The following MAP1B variants were observed in gnomAD, a reference collection of about 807,000 sequenced individuals.
The protein encoded by MAP1B is microtubule associated protein 1B.
Under a neutral mutation model 176.1 loss-of-function variants are expected in MAP1B, and 12 were observed. The ratio of observed to expected loss-of-function variants is 0.07; its 90% CI spans 0.04 to 0.11. The LOEUF is 0.11. Among genes scored for constraint, MAP1B ranks in the 10% least tolerant of loss-of-function variants. The pLI is 1.00. For synonymous variants in MAP1B, 1,044 were observed against 1,135.0 expected (o/e 0.92, Z 1.61); for missense variants, 2,523 against 2,990.5 (o/e 0.84, Z 3.65).
chr5:72,125,245 G>C (rs1745606574), intron 2 of MAP1B, among the ~76,000 whole-genome samples: 1 of 152,112 alleles, frequency 6.6e-6, no homozygotes, highest in East Asian at 1.9e-4. Context: ...AGTGGTATTT[G>C]GTGTGAAGTT....
rs149848837 is a variant in MAP1B at position 72,194,850 on chromosome 5, C to T, written c.1495C>T (p.Leu499=). Residue 499 remains leucine, a synonymous_variant, in exon 5 of 7, where the codon CTG becomes TTG. Coordinates refer to ENST00000296755, the MANE Select transcript of MAP1B (RefSeq NM_005909.5). This position sits in a 1 kb window ranked among gnomAD's most constrained non-coding sequence, Gnocchi z 7.2. The part of the protein sequence containing the change: ...FPGNSTQYNI[L]EGLEKLKHLD... Reference sequence around the variant, plus strand: ...TGGGAACAGCACCCAGTACAACATCCTGGAAGGGTTGGAAAAGCTCAAACA... The same window carrying T: ...TGGGAACAGCACCCAGTACAACATCTTGGAAGGGTTGGAAAAGCTCAAACA... 5.0e-5 allele frequency: 80 copies of T among 1,614,200 alleles called. No homozygotes were observed. The African/African-American group carries it at 9.3e-4, about 19-fold the overall frequency.
chr5:72,144,141 G>A (rs1746002789), intron 2 of MAP1B, among the ~76,000 whole-genome samples: 1 of 152,116 alleles, frequency 6.6e-6, no homozygotes, highest in Non-Finnish European at 1.5e-5. Flanking sequence ...GTGGACATTT[G>A]TGGGGAATAC....
At chr5:72,135,306 A>G (rs988712060) in intron 2 of MAP1B, among the ~76,000 whole-genome samples, 1 of 152,142 alleles carries the variant, frequency 6.6e-6, no homozygotes, top group African/African-American at 2.4e-5. Context: ...GTACCTATCA[A>G]CCATTGTTTT....
At chr5:72,162,462 A>G (rs1245144827) in intron 2 of MAP1B, among the ~76,000 whole-genome samples, 1 of 152,018 alleles carries the variant, frequency 6.6e-6, no homozygotes, top group Non-Finnish European at 1.5e-5. Context: ...AAATGGTTTT[A>G]AGAAAACGAA....
rs565507192 is a variant in MAP1B at position 72,207,131 on chromosome 5, T to G, written c.*1892T>G. The G allele has an allele frequency of 4.6e-5, 7 of 152,348 alleles. No individual in the cohort carries two copies. In the South Asian group the frequency reaches 1.5e-3, roughly 32 times the overall value. The allele number at this position is 152,348 out of a possible 1,614,324, so 9.4% of individuals were successfully genotyped here. On this transcript the variant is annotated 3_prime_UTR_variant, in exon 7 of 7. Transcript: ENST00000296755. ...TTCCATCATTGTCATCATTGAACTG[T>G]GAACCTGGGAAGCCAGATCATGATT...
At chr5:72,129,967 G>T (rs1579987186) in intron 2 of MAP1B, among the ~76,000 whole-genome samples, 1 of 152,062 alleles carries the variant, frequency 6.6e-6, no homozygotes, top group East Asian at 1.9e-4. Flanking sequence ...AAATAGTTTG[G>T]CAAATTAACT....
intron 2 of MAP1B, among the ~76,000 whole-genome samples, chr5:72,162,180 G>A (rs1391571163): frequency 6.6e-6 from 1 of 152,160 alleles, no homozygotes; most frequent in East Asian, 1.9e-4. Context: ...GAAGGATTAA[G>A]TCATGCCACT....
At position 72,197,106 on chromosome 5, in the gene MAP1B, G is replaced by T. The variant is rs150467659; in HGVS notation, c.3751G>T (p.Val1251Phe). 1.5e-4 allele frequency: 237 copies of T among 1,614,196 alleles called. 4 individuals are homozygous for T. The South Asian group carries it at 1.6e-3, about 11-fold the overall frequency. Residue 1251 changes from valine (V) to phenylalanine (F), a missense_variant, in exon 5 of 7, where the codon GTC becomes TTC. Val to Phe is a conservative substitution (Grantham distance 50, BLOSUM62 -1). Coordinates refer to ENST00000296755, the MANE Select transcript of MAP1B (RefSeq NM_005909.5). ...DSISAVSSEK[V>F]SPSKSPSLSP... ...CATCTCAGCTGTTTCAAGTGAAAAGGTCAGCCCATCGAAGAGCCCGTCCCT... is the reference window on the plus strand; with the variant it reads ...CATCTCAGCTGTTTCAAGTGAAAAGTTCAGCCCATCGAAGAGCCCGTCCCT...
intron 2 of MAP1B, among the ~76,000 whole-genome samples, chr5:72,145,632 C>T (rs1175513827): frequency 6.6e-6 from 1 of 152,158 alleles, no homozygotes; most frequent in East Asian, 1.9e-4. Flanking sequence ...CCTAATTTCA[C>T]CTGACAATAT....
intron 2 of MAP1B, among the ~76,000 whole-genome samples, chr5:72,163,930 CTT>C (rs869167918): frequency 0.047 from 2,058 of 43,652 alleles, 46 homozygotes; most frequent in African/African-American, 0.11. Context: ...TTTTTTTTTT[CTT>C]TTTTTTTTTT....
At position 72,198,758 on chromosome 5, in the gene MAP1B, A is replaced by G. The variant is rs1308944389; in HGVS notation, c.5403A>G (p.Ser1801=). 1.2e-6 allele frequency: 2 copies of G among 1,614,054 alleles called. No individual in the cohort carries two copies. The highest frequency in any genetic ancestry group is 1.7e-6 in the Non-Finnish European group (2 of 1,180,042). ...ESSPLYSPTF[S]DSTSAVKEKT... ...CTCCTTTATATTCACCTACTTTTTC[A>G]GATTCTACCTCTGCAGTCAAAGAGA... Residue 1801 remains serine (S), a synonymous_variant, in exon 5 of 7, where the codon TCA becomes TCG. Coordinates refer to ENST00000296755, the MANE Select transcript of MAP1B (RefSeq NM_005909.5).
chr5:72,202,501 T>TA (rs1395073683), intron 5 of MAP1B, among the ~76,000 whole-genome samples: 1 of 152,236 alleles, frequency 6.6e-6, no homozygotes, highest in African/African-American at 2.4e-5. Flanking sequence ...TCTGGGATGA[T>TA]AGTCTTTAAA....
At chr5:72,139,853 G>T (rs1335933430) in intron 2 of MAP1B, among the ~76,000 whole-genome samples, 2 of 152,180 alleles carry the variant, frequency 1.3e-5, no homozygotes, top group African/African-American at 4.8e-5. Flanking sequence ...AGAGGCAGCA[G>T]ATCTTTATCC....
At chr5:72,193,341 CCT>C in intron 4 of MAP1B, 2 of 280,632 alleles carry the variant, frequency 7.1e-6, no homozygotes, top group South Asian at 2.4e-5. Flanking sequence ...ATCCATCAGG[CCT>C]TTTTTTTTTT....
intron 1 of MAP1B, among the ~76,000 whole-genome samples, chr5:72,113,486 A>G (rs1020336184): frequency 6.6e-6 from 1 of 152,230 alleles, no homozygotes; most frequent in Non-Finnish European, 1.5e-5. Context: ...ATATGTATGA[A>G]AATATAAAGC....
intron 1 of MAP1B, among the ~76,000 whole-genome samples, chr5:72,115,188 A>G (rs1328411600): frequency 2.0e-5 from 3 of 152,186 alleles, no homozygotes; most frequent in South Asian, 4.1e-4. Context: ...GGTAAAGGAA[A>G]GAAATTACAC....
At chr5:72,127,605 A>C (rs998505653) in intron 2 of MAP1B, among the ~76,000 whole-genome samples, 3 of 152,310 alleles carry the variant, frequency 2.0e-5, no homozygotes, top group Non-Finnish European at 4.4e-5. Flanking sequence ...TTAAAGTATA[A>C]TTTTAAAAAA....
chr5:72,194,966 G>C lies in MAP1B; in HGVS notation c.1611G>C (p.Gln537His). 1.2e-6 allele frequency: 2 copies of C among 1,614,100 alleles called. No individual in the cohort carries two copies. Among genetic ancestry groups the C allele is most frequent in the South Asian group, 1.1e-5 (1 of 91,066 alleles). ...TGGTGAAACAAACAAAACTGAAACA[G>C]AGGGCTGATAGCCGAGAAAGTCTGA... is the stretch of plus-strand genomic sequence containing the variant. ...TPVVKQTKLKQRADSRESLKP... is the reference protein window; with the variant it reads ...TPVVKQTKLKHRADSRESLKP... The change falls in exon 5 of 7, where the codon CAG becomes CAC. Residue 537 changes from glutamine (Q) to histidine (H), a missense_variant. Around this residue, in one of 4 missense-constraint regions of MAP1B, gnomAD observed 1,925 missense variants for 2,126.0 expected, o/e 0.91. Coordinates refer to ENST00000296755, the MANE Select transcript of MAP1B (RefSeq NM_005909.5). The surrounding 1 kb of genome is among the most constrained non-coding windows in gnomAD (Gnocchi z 7.2).
At chr5:72,152,724 G>A (rs767814717) in intron 2 of MAP1B, among the ~76,000 whole-genome samples, 30 of 152,178 alleles carry the variant, frequency 2.0e-4, no homozygotes, top group Non-Finnish European at 3.5e-4. Context: ...ATGAGCCACC[G>A]TGCCTGGCCC....
Sources: gnomAD v4.1 joint callset for allele counts (sites outside exome capture counted in the v4.1 genomes callset) on GRCh38, gnomAD v4.1.1 for gene constraint, gnomAD v4.1.1 regional missense constraint, Gnocchi (gnomAD v3.1) non-coding constraint, MANE v1.5 for transcripts, NCBI Gene and HGNC (gene_info 2026-07-23, HGNC 2026-07-21) for gene names.